The following FKBP5 variants were observed in gnomAD, a reference collection of about 807,000 sequenced individuals.
The protein encoded by FKBP5 is FKBP prolyl isomerase 5.
Under a neutral mutation model 50.5 loss-of-function variants are expected in FKBP5, and 23 were observed. The ratio of observed to expected loss-of-function variants is 0.46; its 90% CI spans 0.33 to 0.65. The LOEUF is 0.65. FKBP5 is among the 30% of genes least tolerant of loss of function. FKBP5 has a pLI of 0.02. For missense variants in FKBP5, 411 were observed against 553.1 expected (o/e 0.74, Z 2.58); for synonymous variants, 176 against 190.6 (o/e 0.92, Z 0.63).
intron 1 of FKBP5, chr6:35,664,751 C>T (rs1765168319): frequency 6.5e-6 from 1 of 154,158 alleles, no homozygotes; most frequent in East Asian, 1.9e-4. Flanking sequence ...ATTAGTATAA[C>T]TCCCAAATCC....
chr6:35,623,058 C>A (rs907824461), intron 3 of FKBP5, among the ~76,000 whole-genome samples: 2 of 151,998 alleles, frequency 1.3e-5, no homozygotes, highest in Non-Finnish European at 2.9e-5. Flanking sequence ...CTGGCTCACA[C>A]GGTGAAACCC....
intron 8 of FKBP5, chr6:35,584,127 T>C: frequency 9.1e-6 from 9 of 985,418 alleles, no homozygotes; most frequent in Non-Finnish European, 1.1e-5. Context: ...CTGTCAGCTA[T>C]GAGGGCAAAA....
intron 1 of FKBP5, among the ~76,000 whole-genome samples, chr6:35,724,772 A>G (rs1222397531): frequency 1.3e-5 from 2 of 151,552 alleles, no homozygotes; most frequent in South Asian, 2.1e-4. Context: ...AAAAAAAAAA[A>G]GGTGCTGGCT....
At chr6:35,607,432 G>A (rs1376224258) in intron 5 of FKBP5, among the ~76,000 whole-genome samples, 3 of 151,220 alleles carry the variant, frequency 2.0e-5, no homozygotes, top group African/African-American at 7.3e-5. Flanking sequence ...TTAAACTCCT[G>A]GGCTCAAGTG....
upstream of FKBP5, among the ~76,000 whole-genome samples, chr6:35,691,578 CT>C (rs937459839): frequency 4.6e-5 from 7 of 151,476 alleles, no homozygotes; most frequent in East Asian, 3.9e-4. Flanking sequence ...CTACACGGTT[CT>C]TTTTTTTTCT....
At chr6:35,703,589 T>G (rs1428484254) in intron 2 of FKBP5, among the ~76,000 whole-genome samples, 1 of 152,236 alleles carries the variant, frequency 6.6e-6, no homozygotes, top group East Asian at 1.9e-4. Flanking sequence ...GATATTTGTC[T>G]AGCATATGTA....
chr6:35,632,185 TAAGAG>T (rs1353313972), intron 3 of FKBP5, among the ~76,000 whole-genome samples: 1 of 152,156 alleles, frequency 6.6e-6, no homozygotes, highest in Non-Finnish European at 1.5e-5. Context: ...GAAAACCTAG[TAAGAG>T]AAATCATCAC....
intron 1 of FKBP5, among the ~76,000 whole-genome samples, chr6:35,723,005 G>A (rs1374939978): frequency 2.0e-5 from 3 of 152,140 alleles, no homozygotes; most frequent in African/African-American, 4.8e-5. Flanking sequence ...AGGCCAAGGC[G>A]GGCGGATCAT....
At chr6:35,580,784 G>A (rs1158464044) in intron 8 of FKBP5, 22 of 847,234 alleles carry the variant, frequency 2.6e-5, no homozygotes, top group East Asian at 1.2e-4. Context: ...CTTGTGATCC[G>A]CCTGCCTTGG....
At chr6:35,596,644 T>A (rs1762991270) in intron 6 of FKBP5, among the ~76,000 whole-genome samples, 1 of 152,142 alleles carries the variant, frequency 6.6e-6, no homozygotes, top group Middle Eastern at 3.2e-3. Context: ...ATGGTATAAT[T>A]TTAGATCTAA....
At chr6:35,597,487 A>T in intron 5 of FKBP5, 83 bp from the exon 6 acceptor site, 1 of 1,429,438 alleles carries the variant, frequency 7.0e-7, no homozygotes. Flanking sequence ...AGTGGTCGAC[A>T]ATGTAGCAAA....
intron 1 of FKBP5, among the ~76,000 whole-genome samples, chr6:35,665,697 T>C (rs973552055): frequency 2.0e-5 from 3 of 152,192 alleles, no homozygotes; most frequent in Admixed American, 2.0e-4. Flanking sequence ...GTAGAGGTCA[T>C]AGTACACTAT....
Position 35,619,131 on chromosome 6 carries a change from C to T in FKBP5, c.473G>A (p.Gly158Glu). ...TGCTCCTTCGTTTGGATTTGAATAT[C>T]CCTCTCCTTTCCGTTTGGTTCTCCG... ...IIRRTKRKGE[G>E]YSNPNEGATV... Residue 158 changes from glycine (G) to glutamate (E), a missense_variant, in exon 5 of 11, where the codon GGA (glycine) becomes GAA (glutamate). Transcript: ENST00000357266. 1.2e-6 allele frequency: 2 copies of T among 1,613,688 alleles called. No individual in the cohort carries two copies. Among genetic ancestry groups the T allele is most frequent in the African/African-American group, 2.7e-5 (2 of 75,004 alleles).
chr6:35,610,307 C>T (rs546867598), intron 5 of FKBP5, among the ~76,000 whole-genome samples: 5 of 152,102 alleles, frequency 3.3e-5, no homozygotes, highest in East Asian at 3.9e-4. Flanking sequence ...TGGTTCACAC[C>T]TATAATCTCA....
chr6:35,724,992 G>A (rs763405850), intron 1 of FKBP5, among the ~76,000 whole-genome samples: 5 of 152,190 alleles, frequency 3.3e-5, no homozygotes, highest in African/African-American at 9.6e-5. Flanking sequence ...GGTTCCAAAC[G>A]CTGTTGGGGG....
At chr6:35,664,479 T>C (rs1343757964) in intron 1 of FKBP5, among the ~76,000 whole-genome samples, 1 of 152,186 alleles carries the variant, frequency 6.6e-6, no homozygotes, top group African/African-American at 2.4e-5. Context: ...GGAAGAACAA[T>C]GTGGTATCTA....
chr6:35,698,211 G>A (rs948469722), intron 2 of FKBP5, among the ~76,000 whole-genome samples: 22 of 152,036 alleles, frequency 1.4e-4, no homozygotes, highest in African/African-American at 4.1e-4. Context: ...GCGTGGTGCC[G>A]CATGCCTGTA....
chr6:35,611,890 A>G (rs945846386), intron 5 of FKBP5, among the ~76,000 whole-genome samples: 5 of 152,242 alleles, frequency 3.3e-5, no homozygotes, highest in African/African-American at 1.2e-4. Flanking sequence ...ATGAAAAGGA[A>G]GTAAAAGTTT....
At chr6:35,713,077 TAAAAAAAAA>T (rs34258638) in intron 2 of FKBP5, among the ~76,000 whole-genome samples, 14 of 52,992 alleles carry the variant, frequency 2.6e-4, no homozygotes, top group African/African-American at 8.6e-5. Flanking sequence ...ATCTGGTCTC[TAAAAAAAAA>T]AAAAAAAAAA....
Sources: gnomAD v4.1 joint callset for allele counts (sites outside exome capture counted in the v4.1 genomes callset) on GRCh38, gnomAD v4.1.1 for gene constraint, MANE v1.5 for transcripts, NCBI Gene and HGNC (gene_info 2026-07-23, HGNC 2026-07-21) for gene names.